Variants in ACAP2 observed in about 807,000 individuals in gnomAD.
The protein encoded by ACAP2 is arf-GAP with coiled-coil, ANK repeat and PH domain-containing protein 2.
ACAP2 carries 39 observed loss-of-function variants against 115.8 expected under a neutral mutation model. That is an observed-to-expected ratio of 0.34 (90% CI 0.26 to 0.44). ACAP2 has a LOEUF of 0.44. Among genes scored for constraint, ACAP2 ranks in the 20% least tolerant of loss-of-function variants. ACAP2 has a pLI of 1.00. For synonymous variants in ACAP2, 289 were observed against 315.8 expected, an observed-to-expected ratio of 0.92 and a Z score of 0.90; for missense variants, 662 against 927.6, an observed-to-expected ratio of 0.71 and a Z score of 3.72.
At chr3:195,440,314 A>C (rs968462225) in intron 1 of ACAP2, among the ~76,000 whole-genome samples, 30 of 152,242 alleles carry the variant, frequency 2.0e-4, no homozygotes, top group African/African-American at 7.2e-4. Context: ...ACAATGTTGC[A>C]AATGCAACAT....
intron 4 of ACAP2, chr3:195,349,839 G>T (rs1731432938): frequency 1.1e-5 from 4 of 358,174 alleles, no homozygotes; most frequent in South Asian, 7.1e-5. Context: ...TTCTAGATGT[G>T]CGCATTGACA....
rs760286706 is a variant in ACAP2, at chr3:195,419,235, A to T, written c.53+23560T>A. Among the ~76,000 whole-genome samples, 15 of 151,942 alleles carry T rather than the reference A, an allele frequency of 9.9e-5. No individual in the cohort carries two copies. The East Asian group carries it at 2.7e-3, about 27-fold the overall frequency. On this transcript the variant is annotated intron_variant, in intron 1 of 22. Coordinates refer to ENST00000326793, the MANE Select transcript of ACAP2 (RefSeq NM_012287.6). ...TACCCATTAGCAGTCACTTCCCATT[A>T]CCTCTTTCCCTGCGCCCAGCCCTAG... is the stretch of plus-strand genomic sequence containing the variant.
At chr3:195,425,627 C>T (rs1408415384) in intron 1 of ACAP2, among the ~76,000 whole-genome samples, 1 of 152,160 alleles carries the variant, frequency 6.6e-6, no homozygotes, top group East Asian at 1.9e-4. Context: ...TATTTAACAA[C>T]TCTACCTCAG....
chr3:195,373,408 CTA>C (rs10575752), intron 4 of ACAP2, among the ~76,000 whole-genome samples: 25,748 of 151,914 alleles, frequency 0.17, 2,400 homozygotes, highest in Admixed American at 0.28. Flanking sequence ...CAAAGAAATA[CTA>C]TGAGAATATC....
intron 2 of ACAP2, among the ~76,000 whole-genome samples, chr3:195,385,774 A>G (rs960794438): frequency 6.6e-6 from 1 of 152,224 alleles, no homozygotes; most frequent in African/African-American, 2.4e-5. Flanking sequence ...TGGTTTCACC[A>G]AACAGTTGTG....
chr3:195,377,273 T>A lies in ACAP2; in HGVS notation c.285+3736A>T, dbSNP rs139367351. On this transcript the variant is annotated intron_variant, in intron 4 of 22. Transcript: ENST00000326793. ...GATCCTCACACTTCAGCCTCCTGAG[T>A]AGCTGGGATTACAGGCATGAGCCAC... Among the ~76,000 whole-genome samples the A allele has an allele frequency of 5.0e-3, 748 of 150,928 alleles. 5 individuals carry two copies. Among genetic ancestry groups the A allele is most frequent in the African/African-American group, 0.018 (725 of 41,082 alleles).
At chr3:195,426,029 G>A (rs1324098756) in intron 1 of ACAP2, among the ~76,000 whole-genome samples, 1 of 152,070 alleles carries the variant, frequency 6.6e-6, no homozygotes, top group Non-Finnish European at 1.5e-5. Context: ...CTTTCTAATT[G>A]CTTCCTATTG....
At chr3:195,419,333 A>G (rs1315658674) in intron 1 of ACAP2, 1 of 152,216 alleles carries the variant, frequency 6.6e-6, no homozygotes. Flanking sequence ...GAATTGCAGG[A>G]CATTTTTCCG....
chr3:195,364,888 A>G (rs1041717258), intron 4 of ACAP2, among the ~76,000 whole-genome samples: 2 of 152,236 alleles, frequency 1.3e-5, no homozygotes, highest in Non-Finnish European at 2.9e-5. Context: ...GTGTACATCA[A>G]CAGATGAATG....
chr3:195,428,183 A>G (rs976770441), intron 1 of ACAP2, among the ~76,000 whole-genome samples: 7 of 151,726 alleles, frequency 4.6e-5, no homozygotes, highest in South Asian at 2.1e-4. Flanking sequence ...GACTGTATAT[A>G]TATACATACA....
chr3:195,414,006 A>G (rs1713506666), intron 1 of ACAP2, among the ~76,000 whole-genome samples: 2 of 152,036 alleles, frequency 1.3e-5, no homozygotes, highest in African/African-American at 4.8e-5. Context: ...AAAGAAAAAG[A>G]AAAAAAGAAA....
intron 1 of ACAP2, among the ~76,000 whole-genome samples, chr3:195,395,499 A>G (rs1326406121): frequency 1.3e-5 from 2 of 152,234 alleles, no homozygotes; most frequent in Admixed American, 6.5e-5. Flanking sequence ...TGGCTGAAAA[A>G]TATTTTTAAA....
chr3:195,301,770 G>T, intron 14 of ACAP2, 126 bp from the exon 15 acceptor site: 1 of 1,120,956 alleles, frequency 8.9e-7, no homozygotes, highest in Non-Finnish European at 1.3e-6. Flanking sequence ...CAGATCTTCT[G>T]TTTAATAATG....
chr3:195,423,992 G>T (rs1714403790), intron 1 of ACAP2, among the ~76,000 whole-genome samples: 1 of 151,650 alleles, frequency 6.6e-6, no homozygotes, highest in Non-Finnish European at 1.5e-5. Context: ...TCTCAGGGTG[G>T]GTCCCTGTAT....
chr3:195,400,614 G>A (rs1302472519), intron 1 of ACAP2, among the ~76,000 whole-genome samples: 1 of 151,852 alleles, frequency 6.6e-6, no homozygotes. Flanking sequence ...GGAAAATTAA[G>A]TTATCACTGC....
At chr3:195,317,962 C>T (rs1209266888) in intron 10 of ACAP2, among the ~76,000 whole-genome samples, 4 of 152,184 alleles carry the variant, frequency 2.6e-5, no homozygotes, top group Admixed American at 6.5e-5. Flanking sequence ...GTAATCCCCA[C>T]ATGCCATGGG....
chr3:195,287,157 T>C (rs1577235069), intron 21 of ACAP2, among the ~76,000 whole-genome samples: 1 of 152,220 alleles, frequency 6.6e-6, no homozygotes, highest in East Asian at 1.9e-4. Flanking sequence ...ATGGGCTTCA[T>C]TTAGCCCAGG....
In ACAP2 at chr3:195,278,236, T is replaced by C. The variant is rs1257033774; in HGVS notation, c.*1092A>G. On this transcript the variant is annotated 3_prime_UTR_variant, in exon 23 of 23. Transcript: ENST00000326793. Reference sequence around the variant, plus strand: ...GAATCATGTAACCGAATACTAAAGCTATATACACGATATAATTTAAAAGAA... The same window carrying C: ...GAATCATGTAACCGAATACTAAAGCCATATACACGATATAATTTAAAAGAA... 1 of 152,180 alleles carries C rather than the reference T, an allele frequency of 6.6e-6. No homozygotes were observed. Among genetic ancestry groups the C allele is most frequent in the African/African-American group, 2.4e-5 (1 of 41,444 alleles). The allele number at this position is 152,180 out of a possible 1,614,324, so 9.4% of individuals were successfully genotyped here. A position where few individuals can be genotyped will look rare whatever the true frequency, so the allele number is the denominator to read the frequency against.
intron 4 of ACAP2, among the ~76,000 whole-genome samples, chr3:195,367,664 GC>G (rs1732821384): frequency 1.3e-5 from 2 of 152,192 alleles, no homozygotes; most frequent in Non-Finnish European, 2.9e-5. Context: ...GTAGGCCCAG[GC>G]TTTAAGGGAC....
Sources: allele counts gnomAD v4.1 joint callset (sites outside exome capture counted in the v4.1 genomes callset), GRCh38; gene constraint gnomAD v4.1.1; transcripts MANE v1.5; gene names NCBI Gene and HGNC (gene_info 2026-07-23, HGNC 2026-07-21).